The following FRS3 variants were observed in gnomAD, a reference collection of about 807,000 sequenced individuals.
FRS3 encodes the protein fibroblast growth factor receptor substrate 3.
In FRS3, 17 loss-of-function variants were observed where a neutral mutation model predicts 41.9. The observed-to-expected ratio is 0.41, with a 90% CI of 0.28 to 0.61. The LOEUF (loss-of-function observed/expected upper bound fraction) is 0.61. Among genes scored for constraint, FRS3 ranks in the 20% least tolerant of loss-of-function variants. The pLI, the probability that FRS3 is intolerant of heterozygous loss-of-function variation, is 0.36. For missense variants in FRS3, 619 were observed against 672.1 expected, an observed-to-expected ratio of 0.92 and a Z score of 0.87; for synonymous variants, 287 against 274.5, an observed-to-expected ratio of 1.05 and a Z score of -0.45.
intron 4 of FRS3, among the ~76,000 whole-genome samples, chr6:41,774,891 G>A (rs1581970378): frequency 6.6e-6 from 1 of 152,136 alleles, no homozygotes; most frequent in Admixed American, 6.5e-5. Flanking sequence ...CCCGTGTTGG[G>A]GCCAGGGGTA....
chr6:41,776,770 T>G (rs1581972152), intron 3 of FRS3, 152 bp downstream of exon 3: 1 of 690,450 alleles, frequency 1.4e-6, no homozygotes, highest in East Asian at 2.5e-5. Context: ...TCAGGCTACT[T>G]GAGAGGGTGT....
At position 41,770,460 on chromosome 6, in the gene FRS3, T is replaced by C. The variant is rs1772256200; in HGVS notation, c.*159A>G. On this transcript the variant is annotated 3_prime_UTR_variant, in exon 7 of 7. Coordinates refer to ENST00000373018, the MANE Select transcript of FRS3 (RefSeq NM_006653.5). ...AGACCAGGAGACTCGGTGGCTGATA[T>C]CTCTGGGGACTCCAGCCAGCACAGG... The C allele has an allele frequency of 3.0e-6, 2 of 670,402 alleles. No homozygotes were observed. The highest frequency in any genetic ancestry group is 1.9e-5 in the South Asian group (1 of 53,290). The allele number at this position is 670,402 out of a possible 1,614,324, so 41.5% of individuals were successfully genotyped here. A position where few individuals can be genotyped will look rare whatever the true frequency, so the allele number is the denominator to read the frequency against.
chr6:41,775,983 C>T (rs1772402532), intron 3 of FRS3, among the ~76,000 whole-genome samples: 1 of 152,224 alleles, frequency 6.6e-6, no homozygotes, highest in African/African-American at 2.4e-5. Flanking sequence ...AATCTTGAGA[C>T]TGGGACACCC....
chr6:41,774,326 C>G (rs762540284), intron 4 of FRS3, among the ~76,000 whole-genome samples: 6 of 152,142 alleles, frequency 3.9e-5, no homozygotes, highest in Non-Finnish European at 8.8e-5. Flanking sequence ...GGAAAAAAAA[C>G]TCCATCCAGA....
chr6:41,770,641 T>C lies in FRS3; in HGVS notation c.1457A>G (p.Asn486Ser). 4 of 1,614,126 alleles carry C rather than the reference T, an allele frequency of 2.5e-6. No homozygotes were observed. Among genetic ancestry groups the C allele is most frequent in the Non-Finnish European group, 3.4e-6 (4 of 1,179,990 alleles). The change falls in exon 7 of 7, where the codon AAC becomes AGC. Residue 486 changes from asparagine (N) to serine (S), a missense_variant. Around this residue, in one of 3 missense-constraint regions of FRS3, gnomAD observed 32 missense variants for 55.6 expected, o/e 0.58. Coordinates refer to ENST00000373018, the MANE Select transcript of FRS3 (RefSeq NM_006653.5). ...DDGTARKTRHNSTDLPL is the reference protein window; with the variant it reads ...DDGTARKTRHSSTDLPL Reference sequence around the variant, plus strand: ...TCCCTACAGAGGCAGGTCGGTGCTGTTGTGCCGGGTTTTCCTGGCGGTGCC... The same window carrying C: ...TCCCTACAGAGGCAGGTCGGTGCTGCTGTGCCGGGTTTTCCTGGCGGTGCC...
chr6:41,773,384 G>A (rs1031591802), intron 4 of FRS3, among the ~76,000 whole-genome samples: 5 of 152,042 alleles, frequency 3.3e-5, no homozygotes, highest in South Asian at 4.2e-4. Context: ...GATTACAGGC[G>A]TGAGCCACCA....
intron 4 of FRS3, among the ~76,000 whole-genome samples, chr6:41,774,575 C>T (rs540691316): frequency 2.0e-5 from 3 of 152,342 alleles, no homozygotes; most frequent in South Asian, 2.1e-4. Context: ...AATTGCAACA[C>T]TGCAACTCAA....
chr6:41,778,879 C>A (rs1772464764), intron 1 of FRS3, among the ~76,000 whole-genome samples: 1 of 152,082 alleles, frequency 6.6e-6, no homozygotes, highest in African/African-American at 2.4e-5. Context: ...TATCTGAGCC[C>A]AAGGTAGACA....
At chr6:41,773,755 C>A (rs1016646606) in intron 4 of FRS3, among the ~76,000 whole-genome samples, 6 of 151,566 alleles carry the variant, frequency 4.0e-5, no homozygotes, top group Admixed American at 2.6e-4. Flanking sequence ...ACCTGTAATC[C>A]CAACTACTCA....
Position 41,775,421 on chromosome 6 carries a change from T to C in FRS3, c.251A>G (p.Gln84Arg). ...FESGRRCQTG[Q>R]GIFAFKCSRA... is the part of the protein sequence containing the mutation. Reference sequence around the variant, plus strand: ...GTGGAGCAGGGCCTGGTACTCACCCTGGCCTGTCTGACATCGGCGGCCACT... The same window carrying C: ...GTGGAGCAGGGCCTGGTACTCACCCCGGCCTGTCTGACATCGGCGGCCACT... The change falls in exon 4 of 7, where the codon CAG becomes CGG. Residue 84 changes from glutamine to arginine, a missense_variant and splice_region_variant. By Grantham distance (43) the Gln-to-Arg change is conservative. Around this residue, in one of 3 missense-constraint regions of FRS3, gnomAD observed 100 missense variants for 138.1 expected, o/e 0.72. Transcript: ENST00000373018. 4 of 1,610,002 alleles carry C rather than the reference T, an allele frequency of 2.5e-6. No individual in the cohort carries two copies. Among genetic ancestry groups the C allele is most frequent in the Non-Finnish European group, 2.5e-6 (3 of 1,178,974 alleles).
At position 41,771,466 on chromosome 6, in the gene FRS3, G is replaced by T. The variant is rs2127298790; in HGVS notation, c.632C>A (p.Pro211His). Reference protein sequence around the residue: ...DHRRGRHCLQPLPEGQAPFLP... With the variant: ...DHRRGRHCLQHLPEGQAPFLP... Reference sequence around the variant, plus strand: ...GAAGGGTGCCTGACCCTCAGGCAGGGGCTGCAGGCAGTGGCGGCCCCTGCG... The same window carrying T: ...GAAGGGTGCCTGACCCTCAGGCAGGTGCTGCAGGCAGTGGCGGCCCCTGCG... The change falls in exon 7 of 7, where the codon CCC becomes CAC. Residue 211 changes from proline to histidine, a missense_variant. Coordinates refer to ENST00000373018, the MANE Select transcript of FRS3 (RefSeq NM_006653.5). 2 of 1,600,942 alleles carry T rather than the reference G, an allele frequency of 1.2e-6. No homozygotes were observed. The highest frequency in any genetic ancestry group is 1.7e-5 in the Admixed American group (1 of 58,934).
At position 41,771,495 on chromosome 6, in the gene FRS3, GTCA is replaced by G; in HGVS notation, c.600_602del (p.Asp201del). On this transcript the variant is annotated inframe_deletion, in exon 7 of 7. Coordinates refer to ENST00000373018, the MANE Select transcript of FRS3 (RefSeq NM_006653.5). ...GCAGGCAGTGGCGGCCCCTGCGGTG[GTCA>G]TCTTCACTGGCCGGTGTGTTGACAT... The G allele has an allele frequency of 6.4e-7, 1 of 1,567,810 alleles. No individual in the cohort carries two copies.
intron 3 of FRS3, chr6:41,776,643 G>A (rs1292748440): frequency 2.6e-6 from 1 of 382,654 alleles, no homozygotes; most frequent in Non-Finnish European, 4.7e-6. Context: ...AAGGGGGGGG[G>A]ATATATAAAG....
At chr6:41,772,743 G>GGTGT in intron 5 of FRS3, 55 bp downstream of exon 5, 3 of 1,319,512 alleles carry the variant, frequency 2.3e-6, no homozygotes, top group South Asian at 1.3e-5. Flanking sequence ...GTGCTTCCTG[G>GGTGT]GCGTGTGTGT....
At position 41,771,242 on chromosome 6, in the gene FRS3, T is replaced by C; in HGVS notation, c.856A>G (p.Thr286Ala). 1 of 1,595,404 alleles carries C rather than the reference T, an allele frequency of 6.3e-7. No individual in the cohort carries two copies. The highest frequency in any genetic ancestry group is 8.6e-7 in the Non-Finnish European group (1 of 1,168,180). Residue 286 changes from threonine (T) to alanine (A), a missense_variant, in exon 7 of 7, where the codon ACC (threonine) becomes GCC (alanine). Physicochemically the swap from Thr to Ala is moderately conservative, Grantham distance 58 (BLOSUM62 0). Around this residue, in one of 3 missense-constraint regions of FRS3, gnomAD observed 487 missense variants for 478.3 expected, o/e 1.02. Transcript: ENST00000373018. The stretch of plus-strand genomic sequence containing the variant: ...AGCCCCCCGGTGACGTTCTCGTAGG[T>C]GCACTTGGGCTGGGCTGGACACTCA... ...PSECPAQPKC[T>A]YENVTGGLWR... is the part of the protein sequence containing the mutation.
chr6:41,771,040 A>G lies in FRS3; in HGVS notation c.1058T>C (p.Leu353Pro). 6.2e-7 allele frequency: 1 copy of G among 1,611,650 alleles called. No homozygotes were observed. Among genetic ancestry groups the G allele is most frequent in the African/African-American group, 1.3e-5 (1 of 74,978 alleles). ...AGGGAAGCCATTGGAAGAGGGTGTGAGCCCATCCCTCGAGTCCCCATCATC... is the reference window on the plus strand; with the variant it reads ...AGGGAAGCCATTGGAAGAGGGTGTGGGCCCATCCCTCGAGTCCCCATCATC... ...AGDDGDSRDG[L>P]TPSSNGFPDG... Residue 353 changes from leucine (L) to proline (P), a missense_variant, in exon 7 of 7, where the codon CTC becomes CCC. By Grantham distance (98) the Leu-to-Pro change is moderately conservative (BLOSUM62 -3). Transcript: ENST00000373018.
Position 41,777,026 on chromosome 6 carries a change from A to G in FRS3, c.-23-16T>C. On this transcript the variant is annotated splice_polypyrimidine_tract_variant and intron_variant, in intron 2 of 6. Coordinates refer to ENST00000373018, the MANE Select transcript of FRS3 (RefSeq NM_006653.5). ...CCAGCCTGCCCTAGGAAAAACATACAGGATATGCAGGTCACCAACTTCAGC... is the reference window on the plus strand; with the variant it reads ...CCAGCCTGCCCTAGGAAAAACATACGGGATATGCAGGTCACCAACTTCAGC... The G allele has an allele frequency of 6.3e-7, 1 of 1,579,202 alleles. No individual in the cohort carries two copies. The highest frequency in any genetic ancestry group is 8.7e-7 in the Non-Finnish European group (1 of 1,148,246).
At chr6:41,772,080 C>T (rs765145538) in intron 5 of FRS3, 116 bp from the exon 6 acceptor site, 57 of 845,576 alleles carry the variant, frequency 6.7e-5, no homozygotes, top group Admixed American at 1.2e-4. Flanking sequence ...GTTCTCAGGG[C>T]GTCACAGTGG....
Position 41,779,860 on chromosome 6 carries a change from C to T in FRS3, c.-212G>A, listed in dbSNP as rs575728534. 2.0e-5 allele frequency: 3 copies of T among 147,178 alleles called. No individual in the cohort carries two copies. The highest frequency in any genetic ancestry group is 2.0e-4 in the South Asian group (1 of 4,930). 9.1% of individuals were successfully genotyped at this position (147,178 alleles called of 1,614,324 possible). On this transcript the variant is annotated 5_prime_UTR_variant, in exon 1 of 7. Transcript: ENST00000373018. ...GGCGCCGGGCCCCGCTCCCGGGTCC[C>T]GCTGCAGCAGCCGCCGCCCGCCCGG...
Sources: gnomAD v4.1 joint callset for allele counts (sites outside exome capture counted in the v4.1 genomes callset) on GRCh38, gnomAD v4.1.1 for gene constraint, gnomAD v4.1.1 regional missense constraint, MANE v1.5 for transcripts, NCBI Gene and HGNC (gene_info 2026-07-23, HGNC 2026-07-21) for gene names.